The following S100A4 variants were observed in gnomAD, a reference collection of about 807,000 sequenced individuals.
S100A4 encodes protein S100-A4.
S100A4 carries 4 observed loss-of-function variants against 6.3 expected under a neutral mutation model. That is an observed-to-expected ratio of 0.64 (90% CI 0.31 to 1.46). The LOEUF (loss-of-function observed/expected upper bound fraction) is 1.46, where lower values mean the gene tolerates loss of function less well. S100A4 is among the 40% of genes most tolerant of loss of function. The pLI, the probability that S100A4 is intolerant of heterozygous loss-of-function variation, is 0.07. For synonymous variants in S100A4, 44 were observed against 47.6 expected (o/e 0.92, Z 0.32); for missense variants, 108 against 120.8 (o/e 0.89, Z 0.50).
At chr1:153,545,263 T>C (rs576380811) in intron 1 of S100A4, among the ~76,000 whole-genome samples, 3 of 151,978 alleles carry the variant, frequency 2.0e-5, no homozygotes, top group Non-Finnish European at 4.4e-5. Context: ...AGGGGCAAAG[T>C]GAGGTGGCAG....
At chr1:153,545,204 G>T (rs529918189) in intron 1 of S100A4, 24 of 196,278 alleles carry the variant, frequency 1.2e-4, no homozygotes, top group Non-Finnish European at 2.4e-4. Context: ...CCTGCCCAGG[G>T]GCCTGCAGTG....
At position 153,543,784 on chromosome 1, in the gene S100A4, G is replaced by T; in HGVS notation, c.281C>A (p.Pro94Gln). The T allele has an allele frequency of 6.2e-7, 1 of 1,614,052 alleles. No individual in the cohort carries two copies. Among genetic ancestry groups the T allele is most frequent in the Non-Finnish European group, 8.5e-7 (1 of 1,179,994 alleles). Residue 94 changes from proline (P) to glutamine (Q), a missense_variant, in exon 3 of 3, where the codon CCA becomes CAA. Coordinates refer to ENST00000368716, the MANE Select transcript of S100A4 (RefSeq NM_002961.3). The stretch of plus-strand genomic sequence containing the variant: ...TCATTTCTTCCTGGGCTGCTTATCT[G>T]GGAAGCCTTCAAAGAATTCGTTACA... ...MMCNEFFEGF[P>Q]DKQPRKK
In S100A4 at chr1:153,545,086, A is replaced by G. The variant is rs1333533545; in HGVS notation, c.-15-277T>C. The G allele has an allele frequency of 3.3e-5, 12 of 369,166 alleles. No homozygotes were observed. In the Admixed American group the frequency reaches 4.2e-4, roughly 13 times the overall value. The allele number at this position is 369,166 out of a possible 1,614,324, so 22.9% of individuals were successfully genotyped here. Reference sequence around the variant, plus strand: ...GCCTCCCAGGCCTTGCCTCAACAACAGCATTTTTTCCACCCCTCACTCAGT... The same window carrying G: ...GCCTCCCAGGCCTTGCCTCAACAACGGCATTTTTTCCACCCCTCACTCAGT... On this transcript the variant is annotated intron_variant, in intron 1 of 2. Coordinates refer to ENST00000368716, the MANE Select transcript of S100A4 (RefSeq NM_002961.3).
At position 153,544,671 on chromosome 1, in the gene S100A4, G is replaced by A. The variant is rs1427654962; in HGVS notation, c.124C>T (p.Leu42=). Residue 42 remains leucine, a synonymous_variant, in exon 2 of 3, where the codon CTG becomes TTG. Coordinates refer to ENST00000368716, the MANE Select transcript of S100A4 (RefSeq NM_002961.3). The part of the protein sequence containing the change: ...SELKELLTRE[L]PSFLGKRTDE... The stretch of plus-strand genomic sequence containing the variant: ...CCACTCACCCCCAAGAAGCTGGGCA[G>A]CTCCCGGGTCAGCAGCTCCTTTAGT... 2.5e-6 allele frequency: 4 copies of A among 1,614,206 alleles called. No individual in the cohort carries two copies. The African/African-American group carries it at 4.0e-5, about 16-fold the overall frequency.
intron 1 of S100A4, chr1:153,545,549 C>T (rs768537409): frequency 2.6e-5 from 4 of 152,464 alleles, no homozygotes; most frequent in Non-Finnish European, 4.4e-5. Context: ...CACTTGCTCA[C>T]TTTTCTGTTT....
At chr1:153,544,037 G>A (rs1665477091) in intron 2 of S100A4, 114 bp from the exon 3 acceptor site, 3 of 1,145,732 alleles carry the variant, frequency 2.6e-6, no homozygotes, top group Non-Finnish European at 3.7e-6. Context: ...GGGAGGTCCA[G>A]TTTGGAACTC....
At chr1:153,544,049 A>C in intron 2 of S100A4, 126 bp from the exon 3 acceptor site, 1 of 981,590 alleles carries the variant, frequency 1.0e-6, no homozygotes, top group South Asian at 1.6e-5. Flanking sequence ...TTGGAACTCC[A>C]ACCCTCAAGG....
chr1:153,544,927 T>C lies in S100A4; in HGVS notation c.-15-118A>G. The C allele has an allele frequency of 6.1e-6, 8 of 1,320,076 alleles. No homozygotes were observed. The South Asian group carries it at 1.1e-4, about 18-fold the overall frequency. The allele number at this position is 1,320,076 out of a possible 1,614,324, so 81.8% of individuals were successfully genotyped here. On this transcript the variant is annotated intron_variant, in intron 1 of 2. Coordinates refer to ENST00000368716, the MANE Select transcript of S100A4 (RefSeq NM_002961.3). ...ACTTGGCGAGACTCTGCTCCCTCCC[T>C]GGGGGAGCCCAGAGCAGTGGGCCCC...
rs1357345071 is a variant in S100A4, at chr1:153,543,917, T to C, written c.148A>G (p.Thr50Ala). 1 of 1,614,030 alleles carries C rather than the reference T, an allele frequency of 6.2e-7. No homozygotes were observed. The change falls in exon 3 of 3, where the codon ACA (threonine) becomes GCA (alanine). Residue 50 changes from threonine (T) to alanine (A), a missense_variant. Physicochemically the swap from Thr to Ala is moderately conservative, Grantham distance 58. Transcript: ENST00000368716. The stretch of plus-strand genomic sequence containing the variant: ...AGCTTCTGGAAAGCAGCTTCATCTG[T>C]CCTTTTCTGGAGGGAGAAGAGGCTA... ...RELPSFLGKRTDEAAFQKLMS... is the reference protein window; with the variant it reads ...RELPSFLGKRADEAAFQKLMS...
chr1:153,543,676 A>T lies in S100A4; in HGVS notation c.*83T>A. On this transcript the variant is annotated 3_prime_UTR_variant, in exon 3 of 3. Transcript: ENST00000368716. ...TCAGCATCAAGCACGTGTCTGAAGG[A>T]GCCAGGGTGGAAAAAAAAAAGTGCC... The T allele has an allele frequency of 7.5e-7, 1 of 1,334,130 alleles. No individual in the cohort carries two copies. Among genetic ancestry groups the T allele is most frequent in the Non-Finnish European group, 1.1e-6 (1 of 951,214 alleles). 82.6% of individuals were successfully genotyped at this position (1,334,130 alleles called of 1,614,324 possible).
Position 153,544,738 on chromosome 1 carries a change from G to T in S100A4, c.57C>A (p.Tyr19Ter). 1 of 1,614,154 alleles carries T rather than the reference G, an allele frequency of 6.2e-7. No individual in the cohort carries two copies. The part of the protein sequence containing the change: ...LDVMVSTFHK[Y>*]SGKEGDKFKL... Reference sequence around the variant, plus strand: ...TGAACTTGTCACCCTCTTTGCCCGAGTACTTGTGGAAGGTGGACACCATCA... The same window carrying T: ...TGAACTTGTCACCCTCTTTGCCCGATTACTTGTGGAAGGTGGACACCATCA... The change falls in exon 2 of 3, where the codon TAC becomes TAA. Residue 19 changes from tyrosine to a stop codon, truncating the protein, a stop_gained. Transcript: ENST00000368716. LOFTEE classifies it high-confidence loss of function.
At chr1:153,545,363 CCAGA>C (rs796729207) in intron 1 of S100A4, 4 of 156,162 alleles carry the variant, frequency 2.6e-5, no homozygotes, top group African/African-American at 9.6e-5. Context: ...GGGCACACCA[CCAGA>C]CAAAGGCCCA....
At position 153,544,742 on chromosome 1, in the gene S100A4, T is replaced by C; in HGVS notation, c.53A>G (p.Lys18Arg). Residue 18 changes from lysine (K) to arginine (R), a missense_variant, in exon 2 of 3, where the codon AAG becomes AGG. Coordinates refer to ENST00000368716, the MANE Select transcript of S100A4 (RefSeq NM_002961.3). ...CTTGTCACCCTCTTTGCCCGAGTAC[T>C]TGTGGAAGGTGGACACCATCACATC... Reference protein sequence around the residue: ...ALDVMVSTFHKYSGKEGDKFK... With the variant: ...ALDVMVSTFHRYSGKEGDKFK... 2 of 1,614,232 alleles carry C rather than the reference T, an allele frequency of 1.2e-6. No homozygotes were observed. The highest frequency in any genetic ancestry group is 1.7e-6 in the Non-Finnish European group (2 of 1,180,026).
Position 153,543,715 on chromosome 1 carries a change from G to A in S100A4, c.*44C>T. The stretch of plus-strand genomic sequence containing the variant: ...AAAAAAAGTGCCCACTGGCGACAGG[G>A]AGGGCCCCAGCTGGCAGACCCCCCA... On this transcript the variant is annotated 3_prime_UTR_variant, in exon 3 of 3. Coordinates refer to ENST00000368716, the MANE Select transcript of S100A4 (RefSeq NM_002961.3). 6.3e-7 allele frequency: 1 copy of A among 1,587,516 alleles called. No individual in the cohort carries two copies.
At chr1:153,544,043 A>C (rs1227341272) in intron 2 of S100A4, 120 bp from the exon 3 acceptor site, 38 of 1,058,922 alleles carry the variant, frequency 3.6e-5, no homozygotes, top group Non-Finnish European at 5.2e-5. Flanking sequence ...TCCAGTTTGG[A>C]ACTCCAACCC....
At position 153,544,648 on chromosome 1, in the gene S100A4, A is replaced by G. The variant is rs369390934; in HGVS notation, c.141+6T>C. ...GTGGGGACTCACTCAGGCACTACCC[A>G]CTCACCCCCAAGAAGCTGGGCAGCT... is the stretch of plus-strand genomic sequence containing the variant. On this transcript the variant is annotated splice_donor_region_variant and intron_variant, in intron 2 of 2. Transcript: ENST00000368716. 17 of 1,613,746 alleles carry G rather than the reference A, an allele frequency of 1.1e-5. No individual in the cohort carries two copies. The African/African-American group carries it at 1.2e-4, about 11-fold the overall frequency.
rs1188669953 is a variant in S100A4 at position 153,545,233 on chromosome 1, G to A, written c.-15-424C>T. 6.0e-5 allele frequency: 11 copies of A among 183,910 alleles called. No individual in the cohort carries two copies. The South Asian group carries it at 7.8e-4, about 13-fold the overall frequency. 11.4% of individuals were successfully genotyped at this position (183,910 alleles called of 1,614,324 possible). A position where few individuals can be genotyped will look rare whatever the true frequency, so the allele number is the denominator to read the frequency against. On this transcript the variant is annotated intron_variant, in intron 1 of 2. Coordinates refer to ENST00000368716, the MANE Select transcript of S100A4 (RefSeq NM_002961.3). The stretch of plus-strand genomic sequence containing the variant: ...TGCAGTGGAAAAAACCAGCACAGCC[G>A]CTTAGCTCTCAGCATGGGGAGGGGC...
rs200662974 is a variant in S100A4 at position 153,543,876 on chromosome 1, G to A, written c.189C>T (p.Asp63=). 9 of 1,614,212 alleles carry A rather than the reference G, an allele frequency of 5.6e-6. No individual in the cohort carries two copies. The East Asian group carries it at 1.3e-4, about 24-fold the overall frequency. ...AGTCCACCTCGTTGTCCCTGTTGCT[G>A]TCCAAGTTGCTCATCAGCTTCTGGA... ...AAFQKLMSNL[D]SNRDNEVDFQ... The change falls in exon 3 of 3, where the codon GAC becomes GAT. Residue 63 remains aspartate, a synonymous_variant. Coordinates refer to ENST00000368716, the MANE Select transcript of S100A4 (RefSeq NM_002961.3).
chr1:153,544,161 A>G (rs1280991066), intron 2 of S100A4, among the ~76,000 whole-genome samples: 1 of 152,226 alleles, frequency 6.6e-6, no homozygotes, highest in Non-Finnish European at 1.5e-5. Context: ...AGGTTGTTCT[A>G]ATAATCCCAT....
Sources: gnomAD v4.1 joint callset for allele counts (sites outside exome capture counted in the v4.1 genomes callset) on GRCh38, gnomAD v4.1.1 for gene constraint, MANE v1.5 for transcripts, NCBI Gene and HGNC (gene_info 2026-07-23, HGNC 2026-07-21) for gene names.